Variants in PAX5 observed in about 807,000 individuals in gnomAD.
PAX5 encodes the protein paired box 5.
PAX5 carries 9 observed loss-of-function variants against 43.7 expected under a neutral mutation model. The ratio of observed to expected loss-of-function variants is 0.21; its 90% CI spans 0.12 to 0.36. The LOEUF (loss-of-function observed/expected upper bound fraction) is 0.36. Ranked by LOEUF, PAX5 falls within the 10% of genes least tolerant of loss-of-function variation. PAX5 has a pLI of 1.00. For synonymous variants in PAX5, 228 were observed against 214.3 expected (o/e 1.06, Z -0.56); for missense variants, 383 against 532.7 (o/e 0.72, Z 2.77).
chr9:36,911,630 A>G (rs1041846540), intron 7 of PAX5, among the ~76,000 whole-genome samples: 2 of 152,114 alleles, frequency 1.3e-5, no homozygotes, highest in African/African-American at 4.8e-5. Context: ...TTTTGCTTTC[A>G]TTATTCATTA....
At chr9:37,013,813 A>G (rs182452844) in intron 3 of PAX5, among the ~76,000 whole-genome samples, 127 of 152,324 alleles carry the variant, frequency 8.3e-4, no homozygotes, top group Middle Eastern at 3.4e-3. Flanking sequence ...GTTTGCCAAG[A>G]GAAGAAAAAC....
intron 7 of PAX5, among the ~76,000 whole-genome samples, chr9:36,890,851 ATTT>A (rs1174437941): frequency 6.6e-6 from 1 of 152,110 alleles, no homozygotes; most frequent in East Asian, 1.9e-4. Flanking sequence ...TAAAATCTTC[ATTT>A]TAGGCTGGGC....
chr9:36,842,753 CGCA>C (rs1021035707), intron 9 of PAX5, among the ~76,000 whole-genome samples: 2 of 152,150 alleles, frequency 1.3e-5, no homozygotes, highest in African/African-American at 4.8e-5. Context: ...CCTAATTGAC[CGCA>C]GCCGGCCTTT....
At chr9:36,871,219 C>T (rs114882077) in intron 8 of PAX5, among the ~76,000 whole-genome samples, 72 of 152,358 alleles carry the variant, frequency 4.7e-4, no homozygotes, top group East Asian at 1.7e-3. Flanking sequence ...GCTGCCACTC[C>T]GTGGGCCCTG....
chr9:37,030,321 C>A (rs1032608665), intron 1 of PAX5, among the ~76,000 whole-genome samples: 2 of 152,218 alleles, frequency 1.3e-5, no homozygotes, highest in Admixed American at 6.5e-5. Flanking sequence ...ACCGTGACCA[C>A]CTAGCCCAGC....
chr9:36,886,884 C>T (rs936676914), intron 7 of PAX5, among the ~76,000 whole-genome samples: 1 of 152,196 alleles, frequency 6.6e-6, no homozygotes, highest in Non-Finnish European at 1.5e-5. Flanking sequence ...CAAGACTTGG[C>T]TTTGCTTACT....
At chr9:36,918,717 C>T (rs1211861604) in intron 7 of PAX5, among the ~76,000 whole-genome samples, 1 of 152,066 alleles carries the variant, frequency 6.6e-6, no homozygotes. Context: ...TAACAAAAGC[C>T]TAATCCAGAG....
intron 5 of PAX5, among the ~76,000 whole-genome samples, chr9:36,985,648 C>T (rs1268464305): frequency 2.0e-5 from 3 of 152,136 alleles, no homozygotes; most frequent in Non-Finnish European, 4.4e-5. Flanking sequence ...GCAAGAAGAG[C>T]TTTCTGAGGC....
chr9:36,877,634 A>G (rs1826033673), intron 8 of PAX5, among the ~76,000 whole-genome samples: 1 of 152,208 alleles, frequency 6.6e-6, no homozygotes, highest in African/African-American at 2.4e-5. Flanking sequence ...CATCATCTTC[A>G]GCACCGTCAC....
intron 6 of PAX5, among the ~76,000 whole-genome samples, chr9:36,960,422 G>T (rs1833865351): frequency 6.6e-6 from 1 of 152,114 alleles, no homozygotes; most frequent in Admixed American, 6.5e-5. Context: ...GGTCAGGCCT[G>T]GCCACAGCCC....
chr9:37,011,102 C>T (rs910717091), intron 3 of PAX5, among the ~76,000 whole-genome samples: 2 of 133,686 alleles, frequency 1.5e-5, no homozygotes, highest in African/African-American at 5.7e-5. Flanking sequence ...GCCTGGGTGA[C>T]AGAGTGAGAC....
intron 5 of PAX5, among the ~76,000 whole-genome samples, chr9:36,996,087 C>G (rs937020746): frequency 3.9e-5 from 6 of 152,210 alleles, no homozygotes; most frequent in Admixed American, 2.6e-4. Flanking sequence ...ACTATGGAAT[C>G]GCTCCGTGGC....
At chr9:36,900,366 C>T (rs752148560) in intron 7 of PAX5, among the ~76,000 whole-genome samples, 3 of 152,190 alleles carry the variant, frequency 2.0e-5, no homozygotes, top group African/African-American at 4.8e-5. Flanking sequence ...AAAGGGTCTG[C>T]GTCCACAGGC....
At chr9:36,864,440 G>A (rs1824600763) in intron 8 of PAX5, 2 of 152,774 alleles carry the variant, frequency 1.3e-5, no homozygotes, top group Non-Finnish European at 2.9e-5. Context: ...GTGGGGAGCA[G>A]GGCAGGACTT....
intron 5 of PAX5, among the ~76,000 whole-genome samples, chr9:36,969,244 C>T (rs935535376): frequency 2.6e-5 from 4 of 152,348 alleles, no homozygotes; most frequent in African/African-American, 4.8e-5. Context: ...GGGCAGTGCC[C>T]AGCTCCTCCG....
intron 5 of PAX5, among the ~76,000 whole-genome samples, chr9:36,990,499 G>T (rs1836837510): frequency 6.6e-6 from 1 of 152,236 alleles, no homozygotes; most frequent in Non-Finnish European, 1.5e-5. Flanking sequence ...AAACCCTTCA[G>T]GCAAGTCATT....
chr9:36,991,903 C>T (rs924644534), intron 5 of PAX5, among the ~76,000 whole-genome samples: 3 of 152,222 alleles, frequency 2.0e-5, no homozygotes, highest in South Asian at 4.1e-4. Context: ...GTTTCTCACA[C>T]ATACCTTCTC....
intron 7 of PAX5, among the ~76,000 whole-genome samples, chr9:36,922,090 C>A (rs149402219): frequency 6.6e-6 from 1 of 152,150 alleles, no homozygotes; most frequent in Admixed American, 6.5e-5. Context: ...CTGGCCCTTA[C>A]GTGGTGCTCA....
chr9:36,885,922 C>T (rs3780143), intron 7 of PAX5, among the ~76,000 whole-genome samples: 31,303 of 152,172 alleles, frequency 0.21, 4,149 homozygotes, highest in East Asian at 0.47. Context: ...GCTCTTCCTG[C>T]TAGAGCACAG....
Sources: allele counts gnomAD v4.1 joint callset (sites outside exome capture counted in the v4.1 genomes callset), GRCh38; gene constraint gnomAD v4.1.1; transcripts MANE v1.5; gene names NCBI Gene and HGNC (gene_info 2026-07-23, HGNC 2026-07-21).